CRACDL: variants seen among roughly 807,000 people sequenced by gnomAD.
The protein encoded by CRACDL is CRACD-like protein.
Under a neutral mutation model 70.6 loss-of-function variants are expected in CRACDL, and 26 were observed. The observed-to-expected ratio is 0.37, with a 90% confidence interval of 0.27 to 0.51. The LOEUF (loss-of-function observed/expected upper bound fraction) is 0.51, where lower values mean the gene tolerates loss of function less well. CRACDL is among the 20% of genes least tolerant of loss of function. The pLI, the probability that CRACDL is intolerant of heterozygous loss-of-function variation, is 0.94. For synonymous variants in CRACDL, 618 were observed against 615.2 expected (o/e 1.00, Z -0.07); for missense variants, 1,283 against 1,376.9 (o/e 0.93, Z 1.08).
intron 1 of CRACDL, among the ~76,000 whole-genome samples, chr2:98,879,666 A>G (rs765545066): frequency 9.9e-5 from 15 of 152,166 alleles, no homozygotes; most frequent in Non-Finnish European, 1.8e-4. Flanking sequence ...CTCCTGCCTC[A>G]GCCTCCCGAG....
chr2:98,905,484 T>A (rs186233216), intron 1 of CRACDL, among the ~76,000 whole-genome samples: 49 of 152,332 alleles, frequency 3.2e-4, no homozygotes, highest in African/African-American at 1.1e-3. Flanking sequence ...AACAACTTTT[T>A]AAAACTCTTT....
intron 1 of CRACDL, among the ~76,000 whole-genome samples, chr2:98,880,116 G>A (rs934608393): frequency 7.9e-5 from 12 of 152,214 alleles, no homozygotes; most frequent in South Asian, 2.1e-4. Context: ...ACAGTGCAAC[G>A]CGTACACTGT....
At chr2:98,865,707 C>T (rs1397302141) in intron 1 of CRACDL, among the ~76,000 whole-genome samples, 2 of 151,814 alleles carry the variant, frequency 1.3e-5, no homozygotes, top group African/African-American at 2.4e-5. Context: ...AGCAGAGGGA[C>T]TTGACAGCTG....
intron 1 of CRACDL, among the ~76,000 whole-genome samples, chr2:98,872,661 G>A (rs1291697567): frequency 6.6e-6 from 1 of 152,228 alleles, no homozygotes; most frequent in Non-Finnish European, 1.5e-5. Flanking sequence ...TTGCTCATCA[G>A]GATTTTGCTT....
intron 1 of CRACDL, chr2:98,897,384 C>T: frequency 7.7e-7 from 1 of 1,303,890 alleles, no homozygotes; most frequent in Non-Finnish European, 1.0e-6. Context: ...TACCTTTTAT[C>T]TTGCACGGAC....
At chr2:98,800,256 G>A (rs980832865) in intron 7 of CRACDL, among the ~76,000 whole-genome samples, 6 of 152,294 alleles carry the variant, frequency 3.9e-5, no homozygotes, top group Admixed American at 2.6e-4. Context: ...AGGGCTATGC[G>A]GACACAGGGG....
At chr2:98,854,211 G>A (rs1445498261) in intron 1 of CRACDL, among the ~76,000 whole-genome samples, 3 of 138,310 alleles carry the variant, frequency 2.2e-5, no homozygotes, top group Non-Finnish European at 4.5e-5. Context: ...AACCCGGGAG[G>A]CAGAAGTTGC....
intron 7 of CRACDL, 32 bp downstream of exon 7, chr2:98,821,825 C>G (rs1248038727): frequency 6.2e-7 from 1 of 1,603,928 alleles, no homozygotes; most frequent in African/African-American, 1.3e-5. Flanking sequence ...TCCCCAGGCC[C>G]TGCCCTTCCC....
chr2:98,830,668 T>A (rs1373600098), intron 5 of CRACDL, among the ~76,000 whole-genome samples: 2 of 152,154 alleles, frequency 1.3e-5, no homozygotes, highest in Admixed American at 1.3e-4. Context: ...ATTGATAAAA[T>A]CTCAGAACTT....
chr2:98,925,825 C>T (rs1273695363), intron 1 of CRACDL, among the ~76,000 whole-genome samples: 2 of 152,058 alleles, frequency 1.3e-5, no homozygotes, highest in African/African-American at 2.4e-5. Flanking sequence ...AATACAGCAT[C>T]AAATCTCTGA....
chr2:98,903,786 C>G (rs146300755), intron 1 of CRACDL, among the ~76,000 whole-genome samples: 1 of 152,222 alleles, frequency 6.6e-6, no homozygotes, highest in Non-Finnish European at 1.5e-5. Context: ...TCAGATACAT[C>G]ACTAAATTAT....
At chr2:98,809,976 G>T (rs940286465) in intron 7 of CRACDL, among the ~76,000 whole-genome samples, 1 of 151,366 alleles carries the variant, frequency 6.6e-6, no homozygotes, top group East Asian at 2.0e-4. Flanking sequence ...CCTAAGAGGT[G>T]CTCCTCAGAG....
chr2:98,901,966 A>G (rs1708293834), intron 1 of CRACDL, among the ~76,000 whole-genome samples: 1 of 152,158 alleles, frequency 6.6e-6, no homozygotes, highest in Non-Finnish European at 1.5e-5. Context: ...AGGTGGGCGC[A>G]ATGAAGTCTG....
Position 98,796,167 on chromosome 2 carries a change from A to G in CRACDL, c.2702T>C (p.Phe901Ser), listed in dbSNP as rs999095806. The G allele has an allele frequency of 9.9e-6, 16 of 1,614,104 alleles. No homozygotes were observed. The African/African-American group carries it at 2.0e-4, about 20-fold the overall frequency. Residue 901 changes from phenylalanine to serine, a missense_variant, in exon 9 of 10, where the codon TTC becomes TCC. Around this residue, in one of 2 missense-constraint regions of CRACDL, gnomAD observed 921 missense variants for 881.9 expected, o/e 1.04. Coordinates refer to ENST00000397899, the MANE Select transcript of CRACDL (RefSeq NM_207362.3). ...GATTCCTCTTTGCAGCCCCTCCTTG[A>G]AGTTGAGCTTTGCCCCCTGCTTCCG... Reference protein sequence around the residue: ...VDRKQGAKLNFKEGLQRGISL... With the variant: ...VDRKQGAKLNSKEGLQRGISL...
chr2:98,908,560 C>T (rs1325036006), intron 1 of CRACDL: 1 of 152,324 alleles, frequency 6.6e-6, no homozygotes, highest in African/African-American at 2.4e-5. Flanking sequence ...TTTATCAGCC[C>T]AAACAAAAAC....
chr2:98,935,028 C>T (rs777382859), intron 1 of CRACDL, among the ~76,000 whole-genome samples: 7 of 152,194 alleles, frequency 4.6e-5, no homozygotes, highest in African/African-American at 1.2e-4. Context: ...CACAGTGCTC[C>T]ATCATTCCAG....
chr2:98,803,523 A>T (rs1193550105), intron 7 of CRACDL, among the ~76,000 whole-genome samples: 1 of 152,226 alleles, frequency 6.6e-6, no homozygotes, highest in Non-Finnish European at 1.5e-5. Flanking sequence ...GTACAGATTT[A>T]GAAAGTAGAT....
chr2:98,886,897 C>G (rs1052086420), intron 1 of CRACDL, among the ~76,000 whole-genome samples: 2 of 152,096 alleles, frequency 1.3e-5, no homozygotes, highest in Non-Finnish European at 2.9e-5. Context: ...ATAGGGAGCC[C>G]AGTCAGATCT....
intron 7 of CRACDL, among the ~76,000 whole-genome samples, chr2:98,798,456 A>AT (rs1703933008): frequency 6.7e-6 from 1 of 149,218 alleles, no homozygotes; most frequent in Admixed American, 6.6e-5. Flanking sequence ...AAAAAAAAAA[A>AT]AAAAAAAAAA....
Sources: gnomAD v4.1 joint callset for allele counts (sites outside exome capture counted in the v4.1 genomes callset) on GRCh38, gnomAD v4.1.1 for gene constraint, gnomAD v4.1.1 regional missense constraint, MANE v1.5 for transcripts, NCBI Gene and HGNC (gene_info 2026-07-23, HGNC 2026-07-21) for gene names.